KCNAB2: variants seen among roughly 807,000 people sequenced by gnomAD.
The protein encoded by KCNAB2 is voltage-gated potassium channel subunit beta-2.
A neutral mutation model predicts 63.6 loss-of-function variants in KCNAB2; 29 were observed. That is an observed-to-expected ratio of 0.46 (90% CI 0.34 to 0.62). The LOEUF is 0.62. Among genes scored for constraint, KCNAB2 ranks in the 20% least tolerant of loss-of-function variants. The pLI is 0.01. For missense variants in KCNAB2, 359 were observed against 563.9 expected (o/e 0.64, Z 3.68); for synonymous variants, 222 against 224.2 (o/e 0.99, Z 0.09).
Position 6,082,105 on chromosome 1 carries a change from G to C in KCNAB2, c.301-90G>C, listed in dbSNP as rs185402294. 4.4e-4 allele frequency: 494 copies of C among 1,113,548 alleles called. 3 individuals carry two copies. In the South Asian group the frequency reaches 5.1e-3, roughly 11 times the overall value. 69.0% of individuals were successfully genotyped at this position (1,113,548 alleles called of 1,614,324 possible). On this transcript the variant is annotated intron_variant, in intron 4 of 15. Transcript: ENST00000378083. Reference sequence around the variant, plus strand: ...GCCCGGGAGGGCAGGGCCTGGACACGGGGAGGCCTCCCAGGCCGAGAGGGT... The same window carrying C: ...GCCCGGGAGGGCAGGGCCTGGACACCGGGAGGCCTCCCAGGCCGAGAGGGT...
intron 6 of KCNAB2, among the ~76,000 whole-genome samples, 158 bp downstream of exon 6, chr1:6,085,406 A>T (rs999850554): frequency 2.6e-5 from 4 of 152,034 alleles, no homozygotes; most frequent in African/African-American, 9.7e-5. Context: ...CTCCAAGAGT[A>T]GGAGGTGACT....
chr1:6,025,758 TG>T (rs1281750285), intron 1 of KCNAB2, among the ~76,000 whole-genome samples: 2 of 152,048 alleles, frequency 1.3e-5, no homozygotes, highest in South Asian at 2.1e-4. Context: ...ACCTGTAGCA[TG>T]GGGGGGCAGC....
intron 2 of KCNAB2, among the ~76,000 whole-genome samples, chr1:6,068,854 G>A (rs189244891): frequency 2.0e-5 from 3 of 152,152 alleles, no homozygotes; most frequent in Non-Finnish European, 2.9e-5. Flanking sequence ...CCAGTGACAC[G>A]CACAGTCCAC....
At chr1:6,013,695 A>G (rs1433167804) in intron 1 of KCNAB2, among the ~76,000 whole-genome samples, 2 of 152,056 alleles carry the variant, frequency 1.3e-5, no homozygotes, top group African/African-American at 2.4e-5. Context: ...CTGCGGTCTC[A>G]GCCTCTTGGA....
intron 1 of KCNAB2, among the ~76,000 whole-genome samples, chr1:6,008,981 T>G (rs1657988956): frequency 6.6e-6 from 1 of 152,170 alleles, no homozygotes; most frequent in African/African-American, 2.4e-5. Flanking sequence ...GCAGGGAAAT[T>G]GGACACGTCC....
intron 2 of KCNAB2, among the ~76,000 whole-genome samples, chr1:6,065,748 T>C (rs1462675107): frequency 6.6e-6 from 1 of 151,644 alleles, no homozygotes; most frequent in Non-Finnish European, 1.5e-5. Flanking sequence ...TGGTTGAGGG[T>C]GGGGACAGAG....
intron 1 of KCNAB2, among the ~76,000 whole-genome samples, chr1:6,047,686 C>G (rs1303941436): frequency 6.6e-6 from 1 of 152,176 alleles, no homozygotes; most frequent in Non-Finnish European, 1.5e-5. Context: ...TATCTGAGCC[C>G]CTCCTCTGTG....
chr1:6,084,622 C>T (rs953261548), intron 5 of KCNAB2, among the ~76,000 whole-genome samples: 18 of 152,146 alleles, frequency 1.2e-4, no homozygotes, highest in South Asian at 4.1e-4. Flanking sequence ...TCGAGACCAG[C>T]CTGGCCAACA....
chr1:6,073,601 C>G lies in KCNAB2; in HGVS notation c.263-132C>G. The G allele has an allele frequency of 1.2e-6, 1 of 807,272 alleles. No homozygotes were observed. The highest frequency in any genetic ancestry group is 2.2e-6 in the Non-Finnish European group (1 of 461,322). 50.0% of individuals were successfully genotyped at this position (807,272 alleles called of 1,614,324 possible). A position where few individuals can be genotyped will look rare whatever the true frequency, so the allele number is the denominator to read the frequency against. On this transcript the variant is annotated intron_variant, in intron 3 of 15. Coordinates refer to ENST00000378083, the MANE Select transcript of KCNAB2 (RefSeq NM_001199862.2). The surrounding 1 kb of genome is among the most constrained non-coding windows in gnomAD (Gnocchi z 5.7). ...CAGCTGTCCACACACACTAAGGACA[C>G]CCTGGCCACAGAGCAGCACAGAGGG...
Position 6,078,087 on chromosome 1 carries a change from G to T in KCNAB2, c.301-4108G>T, listed in dbSNP as rs1275749000. 6.6e-6 allele frequency among the ~76,000 whole-genome samples: 1 copy of T among 150,698 alleles called. No homozygotes were observed. Among genetic ancestry groups the T allele is most frequent in the Non-Finnish European group, 1.5e-5 (1 of 67,842 alleles). ...CGGCCTAAGTCCAGGAGTCAGCCGGGCCGGGCTCCCTTCTCCAGGCCAGGA... is the reference window on the plus strand; with the variant it reads ...CGGCCTAAGTCCAGGAGTCAGCCGGTCCGGGCTCCCTTCTCCAGGCCAGGA... On this transcript the variant is annotated intron_variant, in intron 4 of 15. Coordinates refer to ENST00000378083, the MANE Select transcript of KCNAB2 (RefSeq NM_001199862.2). This position sits in a 1 kb window ranked among gnomAD's most constrained non-coding sequence, Gnocchi z 4.2.
chr1:6,059,559 C>T (rs1430857371), intron 2 of KCNAB2, among the ~76,000 whole-genome samples: 6 of 152,208 alleles, frequency 3.9e-5, no homozygotes, highest in Non-Finnish European at 8.8e-5. Context: ...GGAGGCTCTT[C>T]GGACAAGCAA....
rs1571085255 is a variant in KCNAB2, at chr1:6,088,952, G to C, written c.471-56G>C. On this transcript the variant is annotated intron_variant, in intron 7 of 15. Coordinates refer to ENST00000378083, the MANE Select transcript of KCNAB2 (RefSeq NM_001199862.2). ...ATTGCATCGTAAACGTTTTTTGGGA[G>C]GGGCCAGGGTGCCAAAACCGCTGGT... The C allele has an allele frequency of 6.0e-6, 9 of 1,511,180 alleles. 1 individual carries two copies. The South Asian group carries it at 8.5e-5, about 14-fold the overall frequency. 93.6% of individuals were successfully genotyped at this position (1,511,180 alleles called of 1,614,324 possible).
At chr1:6,077,195 A>AC (rs397802622) in intron 4 of KCNAB2, among the ~76,000 whole-genome samples, 2 of 152,024 alleles carry the variant, frequency 1.3e-5, no homozygotes, top group Non-Finnish European at 1.5e-5. Flanking sequence ...CAAAAAAAAA[A>AC]GAAAAGCATG....
Position 6,086,488 on chromosome 1 carries a change from C to T in KCNAB2, c.426-979C>T. 12 of 648,092 alleles carry T rather than the reference C, an allele frequency of 1.9e-5. No individual in the cohort carries two copies. The highest frequency in any genetic ancestry group is 2.3e-5 in the Non-Finnish European group (12 of 521,804). 40.1% of individuals were successfully genotyped at this position (648,092 alleles called of 1,614,324 possible). A position where few individuals can be genotyped will look rare whatever the true frequency, so the allele number is the denominator to read the frequency against. ...GGCCGATGCTTCGGGGCAGAGGAGG[C>T]CTCCTACTCCAGCCTCGTGAGCTGC... is the stretch of plus-strand genomic sequence containing the variant. On this transcript the variant is annotated intron_variant, in intron 6 of 15. Coordinates refer to ENST00000378083, the MANE Select transcript of KCNAB2 (RefSeq NM_001199862.2). The surrounding 1 kb of genome is among the most constrained non-coding windows in gnomAD (Gnocchi z 4.2).
At chr1:6,009,704 G>A (rs541531463) in intron 1 of KCNAB2, among the ~76,000 whole-genome samples, 85 of 152,156 alleles carry the variant, frequency 5.6e-4, no homozygotes, top group Non-Finnish European at 9.7e-4. Context: ...GGAGTTGGGG[G>A]ATGAGGCAGT....
At chr1:5,998,040 C>T (rs1169972461) in intron 1 of KCNAB2, among the ~76,000 whole-genome samples, 1 of 152,164 alleles carries the variant, frequency 6.6e-6, no homozygotes, top group Non-Finnish European at 1.5e-5. Flanking sequence ...GCAGTGGGGA[C>T]ATTTGACCTG....
At chr1:6,081,702 T>C (rs909962318) in intron 4 of KCNAB2, among the ~76,000 whole-genome samples, 8 of 152,120 alleles carry the variant, frequency 5.3e-5, no homozygotes, top group Admixed American at 1.3e-4. Flanking sequence ...GCCTTCGTAG[T>C]CTCATGGACT....
intron 2 of KCNAB2, among the ~76,000 whole-genome samples, chr1:6,067,343 C>T (rs979315553): frequency 6.6e-6 from 1 of 152,226 alleles, no homozygotes; most frequent in Non-Finnish European, 1.5e-5. Context: ...GGCCACCAGC[C>T]TCAGAAACAG....
rs1451495747 is a variant in KCNAB2, at chr1:6,071,475, G to A, written c.219-1280G>A. ...GCCACTTGTCAACCTCACCATCTGG[G>A]CAGATCACGCCCTGCTTAACAGGCT... is the stretch of plus-strand genomic sequence containing the variant. On this transcript the variant is annotated intron_variant, in intron 2 of 15. Transcript: ENST00000378083. The surrounding 1 kb of genome is among the most constrained non-coding windows in gnomAD (Gnocchi z 8.5). Among the ~76,000 whole-genome samples the A allele has an allele frequency of 5.9e-5, 9 of 152,224 alleles. No individual in the cohort carries two copies. The highest frequency in any genetic ancestry group is 3.9e-4 in the Admixed American group (6 of 15,284).
Sources: allele counts gnomAD v4.1 joint callset (sites outside exome capture counted in the v4.1 genomes callset), GRCh38; gene constraint gnomAD v4.1.1; non-coding constraint Gnocchi (gnomAD v3.1); transcripts MANE v1.5; gene names NCBI Gene and HGNC (gene_info 2026-07-23, HGNC 2026-07-21).